Variants in LONP2 observed in about 807,000 individuals in gnomAD.
LONP2 encodes lon protease homolog 2, peroxisomal.
In LONP2, 60 loss-of-function variants were observed where a neutral mutation model predicts 85.6. The observed-to-expected ratio is 0.70, with a 90% CI of 0.57 to 0.87. The LOEUF (loss-of-function observed/expected upper bound fraction) is 0.87, where lower values mean the gene tolerates loss of function less well. LONP2 is among the 40% of genes least tolerant of loss of function. The pLI, the probability that LONP2 is intolerant of heterozygous loss-of-function variation, is 0.00. For missense variants in LONP2, 860 were observed against 1,063.5 expected, an observed-to-expected ratio of 0.81 and a Z score of 2.66; for synonymous variants, 395 against 389.7, an observed-to-expected ratio of 1.01 and a Z score of -0.16.
intron 12 of LONP2, chr16:48,345,996 A>T (rs575888678): frequency 6.8e-6 from 1 of 147,306 alleles, no homozygotes; most frequent in African/African-American, 2.5e-5. Context: ...TTGAGCCAAG[A>T]TTGTGCCATT....
rs528310757 is a variant in LONP2, at chr16:48,259,999, C to T, written c.723+1259C>T. On this transcript the variant is annotated intron_variant, in intron 4 of 14. Coordinates refer to ENST00000285737, the MANE Select transcript of LONP2 (RefSeq NM_031490.5). ...ATATTTGGAGTTAACCTAAAACTCT[C>T]TCCTTTTTGTTCCCCTAAGAGTTGA... 8.5e-5 allele frequency among the ~76,000 whole-genome samples: 13 copies of T among 152,286 alleles called. No individual in the cohort carries two copies. In the South Asian group the frequency reaches 2.5e-3, roughly 29 times the overall value.
intron 9 of LONP2, 77 bp from the exon 10 acceptor site, chr16:48,299,585 A>G (rs1206792681): frequency 1.3e-6 from 2 of 1,522,420 alleles, no homozygotes; most frequent in South Asian, 1.3e-5. Context: ...CTGTCTCTAA[A>G]AAAAAAAACA....
intron 11 of LONP2, among the ~76,000 whole-genome samples, 180 bp downstream of exon 11, chr16:48,303,485 G>A (rs1437077449): frequency 6.6e-6 from 1 of 152,194 alleles, no homozygotes; most frequent in East Asian, 1.9e-4. Flanking sequence ...CCAGAGGATT[G>A]TCTTTTACAA....
chr16:48,299,936 C>T, intron 10 of LONP2, 148 bp downstream of exon 10: 1 of 699,488 alleles, frequency 1.4e-6, no homozygotes, highest in Non-Finnish European at 2.3e-6. Context: ...AGTTTATTGG[C>T]ATCCCATAGC....
At chr16:48,285,565 A>G (rs540308273) in intron 8 of LONP2, among the ~76,000 whole-genome samples, 1 of 151,916 alleles carries the variant, frequency 6.6e-6, no homozygotes, top group Admixed American at 6.6e-5. Context: ...GGATCATCTC[A>G]GTTGACCTGT....
In LONP2 at chr16:48,356,822, TTAA is replaced by T. The variant is rs1960383121; in HGVS notation, c.*5022_*5024del. 4.3e-6 allele frequency: 1 copy of T among 232,034 alleles called. No homozygotes were observed. The highest frequency in any genetic ancestry group is 9.0e-6 in the Non-Finnish European group (1 of 111,318). 14.4% of individuals were successfully genotyped at this position (232,034 alleles called of 1,614,324 possible). ...TCTTTGGAAATACTGTAGTTTGTAC[TTAA>T]TGACACTGTCAGCACATTTCTAGGC... On this transcript the variant is annotated 3_prime_UTR_variant, in exon 15 of 15. Transcript: ENST00000285737.
At chr16:48,328,708 G>C (rs1197555122) in intron 11 of LONP2, among the ~76,000 whole-genome samples, 1 of 150,646 alleles carries the variant, frequency 6.6e-6, no homozygotes, top group Non-Finnish European at 1.5e-5. Flanking sequence ...GGCCAGGTGT[G>C]GTGGTACACA....
chr16:48,330,851 C>G (rs1462624780), intron 11 of LONP2, among the ~76,000 whole-genome samples: 1 of 152,146 alleles, frequency 6.6e-6, no homozygotes, highest in Non-Finnish European at 1.5e-5. Context: ...CCCTAAATTG[C>G]CATCTTTTAT....
At chr16:48,286,386 C>T (rs1420104982) in intron 8 of LONP2, among the ~76,000 whole-genome samples, 2 of 152,106 alleles carry the variant, frequency 1.3e-5, no homozygotes, top group East Asian at 3.9e-4. Flanking sequence ...TGTGATCTGC[C>T]CGCCTTGGCC....
chr16:48,307,775 T>G (rs1972941826), intron 11 of LONP2, among the ~76,000 whole-genome samples: 1 of 152,246 alleles, frequency 6.6e-6, no homozygotes, highest in Admixed American at 6.5e-5. Flanking sequence ...TCCATTTTGC[T>G]GTGCTACAAA....
chr16:48,255,978 C>A (rs1971750871), intron 2 of LONP2, among the ~76,000 whole-genome samples: 1 of 152,034 alleles, frequency 6.6e-6, no homozygotes, highest in African/African-American at 2.4e-5. Context: ...AATATTTCAT[C>A]CTCTGATTGG....
At chr16:48,295,940 A>G in intron 8 of LONP2, 75 bp from the exon 9 acceptor site, 1 of 1,375,764 alleles carries the variant, frequency 7.3e-7, no homozygotes, top group Non-Finnish European at 1.0e-6. Context: ...CCAGTACATC[A>G]TGTGTGTTTT....
intron 11 of LONP2, among the ~76,000 whole-genome samples, chr16:48,328,119 G>A (rs980505153): frequency 1.3e-5 from 2 of 152,078 alleles, no homozygotes; most frequent in Non-Finnish European, 2.9e-5. Context: ...GGAAAACTAA[G>A]AATGAAAAAA....
downstream of LONP2, among the ~76,000 whole-genome samples, chr16:48,358,861 G>A (rs1960470114): frequency 6.6e-6 from 1 of 152,142 alleles, no homozygotes; most frequent in Admixed American, 6.5e-5. Flanking sequence ...TGTCACCTGA[G>A]TGGACAGTTA....
intron 11 of LONP2, among the ~76,000 whole-genome samples, chr16:48,314,741 C>G (rs55945004): frequency 0.012 from 1,866 of 152,258 alleles, 40 homozygotes; most frequent in African/African-American, 0.042. Context: ...CTTTAGATAT[C>G]TTCCTAGGTA....
intron 12 of LONP2, chr16:48,343,777 A>G (rs1959888283): frequency 6.6e-6 from 1 of 152,204 alleles, no homozygotes; most frequent in Admixed American, 6.5e-5. Flanking sequence ...TACTTCCTTA[A>G]TCTGCATATT....
chr16:48,244,480 C>T lies in LONP2; in HGVS notation c.92C>T (p.Thr31Ile). The T allele has an allele frequency of 6.2e-7, 1 of 1,600,100 alleles. No homozygotes were observed. Residue 31 changes from threonine (T) to isoleucine (I), a missense_variant, in exon 1 of 15, where the codon ACC (threonine) becomes ATC (isoleucine). Thr to Ile is a moderately conservative substitution (Grantham distance 89). Around this residue, in one of 3 missense-constraint regions of LONP2, gnomAD observed 743 missense variants for 917.3 expected, o/e 0.81. Coordinates refer to ENST00000285737, the MANE Select transcript of LONP2 (RefSeq NM_031490.5). Reference protein sequence around the residue: ...GVLLPGSTMRTSVDSARNLQL... With the variant: ...GVLLPGSTMRISVDSARNLQL... ...CTGCTGCCCGGCTCCACCATGCGCA[C>T]CAGCGTGGACTCGGCCCGCAACCTG...
intron 1 of LONP2, chr16:48,247,514 C>T (rs981530893): frequency 4.7e-4 from 3 of 6,322 alleles, no homozygotes; most frequent in African/African-American, 2.2e-3. Flanking sequence ...TTGAGTAGTA[C>T]AGTCCCTTTC....
At position 48,362,573 on chromosome 16, in the gene LONP2, AG is replaced by A. The variant is rs1227201542; in HGVS notation, c.*711del. ...AGAGGAAGAAAAATAGGATTAAAAA[AG>A]ATATTAAAAAAATAAAATTACACTG... On this transcript the variant is annotated 3_prime_UTR_variant, in exon 5 of 5. Transcript: ENST00000565867. The surrounding 1 kb of genome is among the most constrained non-coding windows in gnomAD (Gnocchi z 4.2). The A allele has an allele frequency of 2.5e-6, 2 of 791,248 alleles. No individual in the cohort carries two copies. Among genetic ancestry groups the A allele is most frequent in the African/African-American group, 3.5e-5 (2 of 57,078 alleles). 49.0% of individuals were successfully genotyped at this position (791,248 alleles called of 1,614,324 possible).
Sources: gnomAD v4.1 joint callset for allele counts (sites outside exome capture counted in the v4.1 genomes callset) on GRCh38, gnomAD v4.1.1 for gene constraint, gnomAD v4.1.1 regional missense constraint, Gnocchi (gnomAD v3.1) non-coding constraint, MANE v1.5 for transcripts, NCBI Gene and HGNC (gene_info 2026-07-23, HGNC 2026-07-21) for gene names.